NKAIN3: variants seen among roughly 807,000 people sequenced by gnomAD.
NKAIN3 encodes sodium/potassium transporting ATPase interacting 3.
Under a neutral mutation model 30.2 loss-of-function variants are expected in NKAIN3, and 25 were observed. The ratio of observed to expected loss-of-function variants is 0.83; its 90% CI spans 0.60 to 1.16. The LOEUF (loss-of-function observed/expected upper bound fraction) is 1.16, where lower values mean the gene tolerates loss of function less well. Among genes scored for constraint, NKAIN3 ranks in the 50% most tolerant of loss-of-function variants. NKAIN3 has a pLI of 0.00. For synonymous variants in NKAIN3, 91 were observed against 89.6 expected, an observed-to-expected ratio of 1.02 and a Z score of -0.09; for missense variants, 225 against 254.1, an observed-to-expected ratio of 0.89 and a Z score of 0.78.
At chr8:62,793,527 C>A (rs189928876) in intron 4 of NKAIN3, among the ~76,000 whole-genome samples, 3 of 152,008 alleles carry the variant, frequency 2.0e-5, no homozygotes, top group African/African-American at 7.2e-5. Flanking sequence ...GGGTTACTGG[C>A]CAGTTTATGA....
At chr8:62,993,417 T>G (rs1267763269) in intron 5 of NKAIN3, among the ~76,000 whole-genome samples, 3 of 152,208 alleles carry the variant, frequency 2.0e-5, no homozygotes, top group African/African-American at 7.2e-5. Context: ...GTACTCAAAC[T>G]TTAAGTTTCC....
intron 1 of NKAIN3, among the ~76,000 whole-genome samples, chr8:62,377,226 C>A (rs115233893): frequency 1.3e-5 from 2 of 152,018 alleles, no homozygotes; most frequent in South Asian, 4.1e-4. Flanking sequence ...AAATTCTTCC[C>A]TCTTTGTTTC....
intron 4 of NKAIN3, among the ~76,000 whole-genome samples, chr8:62,748,989 A>C (rs1013386260): frequency 1.8e-4 from 28 of 152,272 alleles, no homozygotes; most frequent in African/African-American, 6.5e-4. Flanking sequence ...ATGTGGAGGC[A>C]AATTTTCTTT....
intron 3 of NKAIN3, among the ~76,000 whole-genome samples, chr8:62,659,629 G>T (rs905990600): frequency 1.6e-4 from 25 of 152,148 alleles, no homozygotes; most frequent in Non-Finnish European, 3.1e-4. Context: ...GTAATCTATT[G>T]CGTATATGCT....
chr8:62,682,332 C>T (rs1403612627), intron 3 of NKAIN3, among the ~76,000 whole-genome samples: 1 of 152,070 alleles, frequency 6.6e-6, no homozygotes, highest in East Asian at 1.9e-4. Flanking sequence ...GCTCTGTGGG[C>T]TCTCTCAGTC....
intron 3 of NKAIN3, among the ~76,000 whole-genome samples, chr8:62,723,466 G>A (rs1336050063): frequency 6.6e-6 from 1 of 152,072 alleles, no homozygotes; most frequent in African/African-American, 2.4e-5. Flanking sequence ...ATCCTAATTA[G>A]CATAAAAGGG....
chr8:62,710,312 A>G (rs373666155), intron 3 of NKAIN3, among the ~76,000 whole-genome samples: 4 of 152,110 alleles, frequency 2.6e-5, no homozygotes, highest in Admixed American at 2.0e-4. Flanking sequence ...TAGTGCTGTC[A>G]TGGAGTATGG....
intron 1 of NKAIN3, among the ~76,000 whole-genome samples, chr8:62,464,444 G>T (rs1004933295): frequency 1.1e-4 from 16 of 152,114 alleles, no homozygotes; most frequent in Non-Finnish European, 1.6e-4. Context: ...AGTTAGAAAA[G>T]AAGTCACTGA....
Position 62,565,312 on chromosome 8 carries a change from G to A in NKAIN3, c.55-14227G>A, listed in dbSNP as rs562199795. On this transcript the variant is annotated intron_variant, in intron 1 of 6. Transcript: ENST00000623646. ...TAAGACCAAACATGTCCATATGTAT[G>A]TATGTACCAATATATATGTATGTGC... Among the ~76,000 whole-genome samples, 53 of 151,922 alleles carry A rather than the reference G, an allele frequency of 3.5e-4. 1 individual carries two copies. Among genetic ancestry groups the A allele is most frequent in the African/African-American group, 1.2e-3 (49 of 41,436 alleles).
rs1823775980 is a variant in NKAIN3, at chr8:62,968,995, T to C, written c.*3588T>C. ...CATCTCTTAGGAAAATCTCTAAATG[T>C]GTATATCCCCAAGTATCTTAGCCTT... On this transcript the variant is annotated 3_prime_UTR_variant, in exon 7 of 7. Coordinates refer to ENST00000623646, the MANE Select transcript of NKAIN3 (RefSeq NM_001304533.3). 6.6e-6 allele frequency among the ~76,000 whole-genome samples: 1 copy of C among 152,174 alleles called. No homozygotes were observed. The highest frequency in any genetic ancestry group is 2.4e-5 in the African/African-American group (1 of 41,440).
intron 1 of NKAIN3, among the ~76,000 whole-genome samples, chr8:62,442,833 C>T (rs1052394967): frequency 6.6e-6 from 1 of 151,868 alleles, no homozygotes; most frequent in Non-Finnish European, 1.5e-5. Context: ...ACCATTTTGA[C>T]CCAAGTTCAT....
At chr8:62,877,349 C>T (rs1353134287) in intron 4 of NKAIN3, among the ~76,000 whole-genome samples, 2 of 152,230 alleles carry the variant, frequency 1.3e-5, no homozygotes, top group African/African-American at 2.4e-5. Context: ...TAGGCGGCCT[C>T]GGAATGGAGG....
chr8:62,648,937 G>T (rs1323839087), intron 3 of NKAIN3, among the ~76,000 whole-genome samples: 1 of 152,110 alleles, frequency 6.6e-6, no homozygotes, highest in Non-Finnish European at 1.5e-5. Flanking sequence ...GGCATCCGGA[G>T]CTGGAATTTT....
At chr8:62,740,088 T>C (rs141946616) in intron 3 of NKAIN3, among the ~76,000 whole-genome samples, 1 of 152,286 alleles carries the variant, frequency 6.6e-6, no homozygotes, top group African/African-American at 2.4e-5. Context: ...CTTAAACCTA[T>C]CAATCACTCT....
chr8:62,547,404 A>G (rs1458870169), intron 1 of NKAIN3, among the ~76,000 whole-genome samples: 1 of 152,214 alleles, frequency 6.6e-6, no homozygotes, highest in African/African-American at 2.4e-5. Flanking sequence ...AAAAAGGACT[A>G]TCATTAATAA....
At chr8:62,823,026 G>A (rs910372544) in intron 4 of NKAIN3, among the ~76,000 whole-genome samples, 7 of 152,126 alleles carry the variant, frequency 4.6e-5, no homozygotes, top group African/African-American at 1.4e-4. Context: ...ATTTAAAATG[G>A]TACATCTGTA....
chr8:62,856,052 C>A, intron 4 of NKAIN3: 2 of 688,908 alleles, frequency 2.9e-6, no homozygotes. Flanking sequence ...TCAGCATTAC[C>A]AAGGGCTTAC....
intron 1 of NKAIN3, among the ~76,000 whole-genome samples, chr8:62,317,207 T>C (rs1157451371): frequency 6.6e-6 from 1 of 152,224 alleles, no homozygotes; most frequent in Non-Finnish European, 1.5e-5. Context: ...GCAAAAATTT[T>C]CTCCCATTCT....
At chr8:62,671,425 A>T (rs888656141) in intron 3 of NKAIN3, among the ~76,000 whole-genome samples, 4 of 152,204 alleles carry the variant, frequency 2.6e-5, no homozygotes, top group Non-Finnish European at 5.9e-5. Context: ...TCTCTTCTTC[A>T]TGACATCAGA....
Sources: gnomAD v4.1 joint callset for allele counts (sites outside exome capture counted in the v4.1 genomes callset) on GRCh38, gnomAD v4.1.1 for gene constraint, MANE v1.5 for transcripts, NCBI Gene and HGNC (gene_info 2026-07-23, HGNC 2026-07-21) for gene names.